LMBR1L: variants seen among roughly 807,000 people sequenced by gnomAD.
LMBR1L encodes the protein limb development membrane protein 1 like.
A neutral mutation model predicts 67.3 loss-of-function variants in LMBR1L; 47 were observed. The observed-to-expected ratio is 0.70, with a 90% CI of 0.55 to 0.89. LMBR1L has a LOEUF of 0.89. Ranked by LOEUF, LMBR1L falls within the 40% of genes least tolerant of loss-of-function variation. LMBR1L has a pLI of 0.00. For missense variants in LMBR1L, 533 were observed against 599.2 expected, an observed-to-expected ratio of 0.89 and a Z score of 1.15; for synonymous variants, 247 against 250.3, an observed-to-expected ratio of 0.99 and a Z score of 0.13.
At chr12:49,108,557 G>C (rs1219366167) in intron 1 of LMBR1L, among the ~76,000 whole-genome samples, 1 of 98,752 alleles carries the variant, frequency 1.0e-5, no homozygotes, top group Non-Finnish European at 1.8e-5. Context: ...GCAAGACTGA[G>C]TCTCAAAAAA....
chr12:49,110,216 G>C (rs2121099089), intron 1 of LMBR1L: 2 of 529,178 alleles, frequency 3.8e-6, no homozygotes, highest in Non-Finnish European at 6.8e-6. Flanking sequence ...AGGAAGACGC[G>C]CTGGGTGAGG....
rs1940234275 is a variant in LMBR1L, at chr12:49,101,856, T to C, written c.930+264A>G. The C allele has an allele frequency of 8.1e-5, 47 of 581,558 alleles. 2 individuals carry two copies. The South Asian group carries it at 9.8e-4, about 12-fold the overall frequency. The allele number at this position is 581,558 out of a possible 1,614,324, so 36.0% of individuals were successfully genotyped here. ...ATCGACTGAATTTCAATGTTTATTA[T>C]TTTAATGCCAGGGCAAACCTGCACA... On this transcript the variant is annotated intron_variant, in intron 11 of 16. Transcript: ENST00000267102.
At chr12:49,107,690 T>C (rs1592226952) in intron 1 of LMBR1L, among the ~76,000 whole-genome samples, 1 of 152,310 alleles carries the variant, frequency 6.6e-6, no homozygotes, top group East Asian at 1.9e-4. Flanking sequence ...ATATCTATAG[T>C]GTTTCTAGAG....
Position 49,098,051 on chromosome 12 carries a change from T to C in LMBR1L, c.1295A>G (p.Asn432Ser), listed in dbSNP as rs773131114. The C allele has an allele frequency of 1.4e-4, 231 of 1,613,994 alleles. 1 individual carries two copies. Among genetic ancestry groups the C allele is most frequent in the South Asian group, 1.1e-3 (98 of 91,090 alleles). ...GDFGRFNWLG[N>S]FYIVFLYNAA... ...GTTGTAGAGGAACACAATGTAGAAATTGCCCAGCCAGTTGAAGCGTCCAAA... is the reference window on the plus strand; with the variant it reads ...GTTGTAGAGGAACACAATGTAGAAACTGCCCAGCCAGTTGAAGCGTCCAAA... Residue 432 changes from asparagine (N) to serine (S), a missense_variant, in exon 16 of 17, where the codon AAT becomes AGT. This residue lies in a region of LMBR1L where 223 missense variants were observed against 241.2 expected (regional missense o/e 0.92). Transcript: ENST00000267102.
rs1230946226 is a variant in LMBR1L at position 49,097,170 on chromosome 12, C to T, written c.*502G>A. ...AAAACAAAGCAAACCCTGGGATCAA[C>T]TTTATTGCTGATGGCTGAAGCCTCC... On this transcript the variant is annotated 3_prime_UTR_variant, in exon 17 of 17. Transcript: ENST00000267102. 1 of 155,668 alleles carries T rather than the reference C, an allele frequency of 6.4e-6. No individual in the cohort carries two copies. Among genetic ancestry groups the T allele is most frequent in the African/African-American group, 2.4e-5 (1 of 41,522 alleles). The allele number at this position is 155,668 out of a possible 1,614,324, so 9.6% of individuals were successfully genotyped here. A position where few individuals can be genotyped will look rare whatever the true frequency, so the allele number is the denominator to read the frequency against.
rs755974484 is a variant in LMBR1L, at chr12:49,104,440, C to CT, written c.435+7dup. 92 of 1,582,358 alleles carry CT rather than the reference C, an allele frequency of 5.8e-5. No homozygotes were observed. Among genetic ancestry groups the CT allele is most frequent in the African/African-American group, 8.1e-5 (6 of 74,128 alleles). On this transcript the variant is annotated splice_region_variant and intron_variant, in intron 5 of 16. Transcript: ENST00000267102. ...CGTTTCCTGCCTGGATACATATCCC[C>CT]TACTTACCTTTCTGGAGCCAGCAAA...
Position 49,110,787 on chromosome 12 carries a change from A to G in LMBR1L, c.-232T>C, listed in dbSNP as rs1434007236. On this transcript the variant is annotated 5_prime_UTR_variant, in exon 1 of 17. Coordinates refer to ENST00000267102, the MANE Select transcript of LMBR1L (RefSeq NM_018113.4). Reference sequence around the variant, plus strand: ...GGGCTCTGTCCTCCCTTTGCTCCCCACTCTTTAAGGTCGGGTCGCGCTCAC... The same window carrying G: ...GGGCTCTGTCCTCCCTTTGCTCCCCGCTCTTTAAGGTCGGGTCGCGCTCAC... 6 of 522,744 alleles carry G rather than the reference A, an allele frequency of 1.1e-5. No individual in the cohort carries two copies. Among genetic ancestry groups the G allele is most frequent in the Non-Finnish European group, 2.1e-5 (6 of 291,948 alleles). The allele number at this position is 522,744 out of a possible 1,614,324, so 32.4% of individuals were successfully genotyped here.
chr12:49,100,253 T>A, intron 15 of LMBR1L, 135 bp downstream of exon 15: 1 of 744,190 alleles, frequency 1.3e-6, no homozygotes, highest in Non-Finnish European at 2.4e-6. Context: ...GCTTTCCTCA[T>A]CTGTATAATG....
chr12:49,109,920 A>T, intron 1 of LMBR1L: 1 of 406,114 alleles, frequency 2.5e-6, no homozygotes, highest in Non-Finnish European at 4.9e-6. Flanking sequence ...AGAAAGAAAA[A>T]AGACGGGGGA....
rs1211625962 is a variant in LMBR1L at position 49,100,601 on chromosome 12, G to T, written c.1128C>A (p.Leu376=). ...GCCATCTGGGCCGCAGGCTCCGGAA[G>T]AGTGGAGAGCTATAGAAGCCCACAA... ...SSVVGFYSSP[L]FRSLRPRWHD... Residue 376 remains leucine (L), a synonymous_variant, in exon 14 of 17, where the codon CTC becomes CTA. Coordinates refer to ENST00000267102, the MANE Select transcript of LMBR1L (RefSeq NM_018113.4). The T allele has an allele frequency of 6.2e-7, 1 of 1,614,208 alleles. No homozygotes were observed. The highest frequency in any genetic ancestry group is 2.2e-5 in the East Asian group (1 of 44,886).
At chr12:49,110,092 C>T (rs772989751) in intron 1 of LMBR1L, 5 of 475,890 alleles carry the variant, frequency 1.1e-5, no homozygotes, top group African/African-American at 7.9e-5. Flanking sequence ...GTCTCCCCTT[C>T]ATCCAACGTC....
Position 49,110,307 on chromosome 12 carries a change from T to C in LMBR1L, c.72+177A>G, listed in dbSNP as rs558007016. The C allele has an allele frequency of 5.5e-3, 3,505 of 641,300 alleles. 20 individuals are homozygous for C. The highest frequency in any genetic ancestry group is 0.011 in the Middle Eastern group (26 of 2,368). The allele number at this position is 641,300 out of a possible 1,614,324, so 39.7% of individuals were successfully genotyped here. The stretch of plus-strand genomic sequence containing the variant: ...TTTGTTTATCGCTCAGGGACCCAGC[T>C]GATCCCATCTAGGGGATCGCTAGCC... On this transcript the variant is annotated intron_variant, in intron 1 of 16. Transcript: ENST00000267102.
chr12:49,100,123 T>C (rs949549459), intron 15 of LMBR1L, among the ~76,000 whole-genome samples: 5 of 152,176 alleles, frequency 3.3e-5, no homozygotes, highest in Non-Finnish European at 5.9e-5. Context: ...AGGAGAAAGA[T>C]TTAGAAAAGT....
intron 15 of LMBR1L, among the ~76,000 whole-genome samples, chr12:49,099,430 T>G (rs562481548): frequency 1.1e-3 from 173 of 152,044 alleles, no homozygotes; most frequent in African/African-American, 4.1e-3. Context: ...ATTACAGACG[T>G]GAGCCACCAG....
Position 49,097,717 on chromosome 12 carries a change from G to A in LMBR1L, c.1425C>T (p.Pro475=), listed in dbSNP as rs758224854. The A allele has an allele frequency of 2.4e-5, 39 of 1,613,836 alleles. No individual in the cohort carries two copies. The highest frequency in any genetic ancestry group is 3.3e-5 in the Admixed American group (2 of 59,996). The change falls in exon 17 of 17, where the codon CCC becomes CCT. Residue 475 remains proline, a synonymous_variant. Coordinates refer to ENST00000267102, the MANE Select transcript of LMBR1L (RefSeq NM_018113.4). The stretch of plus-strand genomic sequence containing the variant: ...TAGATGCCTGGGGGAAACCGGAGAC[G>A]GGCAGCGGCAGTCTGTCCAGCCCTG... ...RAFGLDRLPL[P]VSGFPQASRK...
chr12:49,105,072 G>A, intron 3 of LMBR1L, 187 bp from the exon 4 acceptor site: 2 of 616,302 alleles, frequency 3.2e-6, no homozygotes, highest in Non-Finnish European at 5.6e-6. Context: ...TTACCTCCAG[G>A]GAAGCCCCAG....
chr12:49,100,625 A>C lies in LMBR1L; in HGVS notation c.1104T>G (p.Val368=). 2 of 1,613,994 alleles carry C rather than the reference A, an allele frequency of 1.2e-6. No homozygotes were observed. Among genetic ancestry groups the C allele is most frequent in the South Asian group, 1.1e-5 (1 of 91,074 alleles). ...AGAGTGGAGAGCTATAGAAGCCCAC[A>C]ACTGAGGACACCATTAGGTAACTGC... ...VLIFYLMVSS[V]VGFYSSPLFR... is the part of the protein sequence containing the mutation. The change falls in exon 14 of 17, where the codon GTT becomes GTG. Residue 368 remains valine (V), a synonymous_variant. Transcript: ENST00000267102.
chr12:49,104,559 A>G lies in LMBR1L; in HGVS notation c.332-8T>C, dbSNP rs1463406897. On this transcript the variant is annotated splice_polypyrimidine_tract_variant and splice_region_variant and intron_variant, in intron 4 of 16. Coordinates refer to ENST00000267102, the MANE Select transcript of LMBR1L (RefSeq NM_018113.4). The stretch of plus-strand genomic sequence containing the variant: ...AAACAAGGTTCCAGAGGCCTAGAGC[A>G]AAAAAGGAAGAGCAGAAGTGGTCAG... 2 of 1,607,892 alleles carry G rather than the reference A, an allele frequency of 1.2e-6. No individual in the cohort carries two copies. The highest frequency in any genetic ancestry group is 2.7e-5 in the African/African-American group (2 of 74,764).
intron 15 of LMBR1L, among the ~76,000 whole-genome samples, chr12:49,098,981 T>C (rs548828308): frequency 1.9e-4 from 29 of 150,850 alleles, no homozygotes; most frequent in African/African-American, 6.3e-4. Context: ...AAAAACACTT[T>C]TTTTTTTTTT....
Sources: gnomAD v4.1 joint callset for allele counts (sites outside exome capture counted in the v4.1 genomes callset) on GRCh38, gnomAD v4.1.1 for gene constraint, gnomAD v4.1.1 regional missense constraint, MANE v1.5 for transcripts, NCBI Gene and HGNC (gene_info 2026-07-23, HGNC 2026-07-21) for gene names.